LHFPL2: variants seen among roughly 807,000 people sequenced by gnomAD.
LHFPL2 encodes LHFPL tetraspan subfamily member 2.
A neutral mutation model predicts 17.5 loss-of-function variants in LHFPL2; 7 were observed. That is an observed-to-expected ratio of 0.40 (90% CI 0.23 to 0.75). The LOEUF is 0.75. Ranked by LOEUF, LHFPL2 falls within the 30% of genes least tolerant of loss-of-function variation. The pLI is 0.37. For missense variants in LHFPL2, 241 were observed against 294.8 expected, an observed-to-expected ratio of 0.82 and a Z score of 1.34; for synonymous variants, 134 against 116.2, an observed-to-expected ratio of 1.15 and a Z score of -0.99.
Position 78,609,450 on chromosome 5 carries a change from CAAAAAA to C in LHFPL2, c.-245+22808_-245+22813del, listed in dbSNP as rs71613975. Among the ~76,000 whole-genome samples, 49 of 40,678 alleles carry C rather than the reference CAAAAAA, an allele frequency of 1.2e-3. No individual in the cohort carries two copies. In the East Asian group the frequency reaches 0.047, roughly 39 times the overall value. The allele number at this position is 40,678 out of a possible 152,430, so 26.7% of individuals were successfully genotyped here. A position where few individuals can be genotyped will look rare whatever the true frequency, so the allele number is the denominator to read the frequency against. On this transcript the variant is annotated intron_variant, in intron 2 of 4. Coordinates refer to ENST00000380345, the MANE Select transcript of LHFPL2 (RefSeq NM_005779.3). ...TGGGAAACAGAGCGAGACTCAGTCTCAAAAAAAAAAAAAAAAAAAAAAAAAAGAGAG... is the reference window on the plus strand; with the variant it reads ...TGGGAAACAGAGCGAGACTCAGTCTCAAAAAAAAAAAAAAAAAAAAGAGAG...
chr5:78,619,002 C>A (rs190588816), intron 2 of LHFPL2, among the ~76,000 whole-genome samples: 1 of 152,244 alleles, frequency 6.6e-6, no homozygotes, highest in African/African-American at 2.4e-5. Context: ...ACTGACAAGG[C>A]CAAGATTTGT....
intron 3 of LHFPL2, among the ~76,000 whole-genome samples, chr5:78,551,639 T>C (rs1756445906): frequency 6.6e-6 from 1 of 152,200 alleles, no homozygotes; most frequent in African/African-American, 2.4e-5. Flanking sequence ...CATGAAGTTA[T>C]TCTCTTTCTC....
At chr5:78,511,345 TTC>T (rs1224976838) in intron 3 of LHFPL2, among the ~76,000 whole-genome samples, 1 of 152,202 alleles carries the variant, frequency 6.6e-6, no homozygotes, top group Non-Finnish European at 1.5e-5. Context: ...AGAGGCCTCA[TTC>T]TGTCTCCACG....
chr5:78,648,327 G>A lies in LHFPL2; in HGVS notation c.-350+172C>T, dbSNP rs1011931240. Among the ~76,000 whole-genome samples, 3 of 151,998 alleles carry A rather than the reference G, an allele frequency of 2.0e-5. No homozygotes were observed. The highest frequency in any genetic ancestry group is 7.2e-5 in the African/African-American group (3 of 41,416). On this transcript the variant is annotated intron_variant, in intron 1 of 4. Transcript: ENST00000380345. The surrounding 1 kb of genome is among the most constrained non-coding windows in gnomAD (Gnocchi z 5.4). ...CATCCCGCAGCACCTCCGACCGCTC[G>A]GCGCGGTCTCCCAGGGCGCCGAAGC...
chr5:78,585,664 A>T (rs1743360401), intron 2 of LHFPL2, among the ~76,000 whole-genome samples: 1 of 152,048 alleles, frequency 6.6e-6, no homozygotes, highest in African/African-American at 2.4e-5. Flanking sequence ...GAGAGCACTA[A>T]AACAACCTCC....
intron 2 of LHFPL2, chr5:78,625,941 C>A (rs1230921978): frequency 6.6e-6 from 1 of 152,262 alleles, no homozygotes; most frequent in African/African-American, 2.4e-5. Context: ...GGGACTGAAG[C>A]ATTCTGGAAT....
At chr5:78,607,656 A>G (rs1474581180) in intron 2 of LHFPL2, among the ~76,000 whole-genome samples, 7 of 152,112 alleles carry the variant, frequency 4.6e-5, no homozygotes, top group Admixed American at 2.0e-4. Flanking sequence ...ACTGACCCCA[A>G]TCTTTCCAAT....
chr5:78,605,469 C>T (rs112800718), intron 2 of LHFPL2, among the ~76,000 whole-genome samples: 3,344 of 152,272 alleles, frequency 0.022, 69 homozygotes, highest in Non-Finnish European at 0.034. Context: ...TCACCCCTTC[C>T]AGCCTCTTTC....
chr5:78,522,665 G>T (rs1012989621), intron 3 of LHFPL2, among the ~76,000 whole-genome samples: 1 of 152,128 alleles, frequency 6.6e-6, no homozygotes, highest in African/African-American at 2.4e-5. Context: ...CTGGACAATG[G>T]GGGTGGAGAG....
At chr5:78,631,526 C>T (rs933632311) in intron 2 of LHFPL2, among the ~76,000 whole-genome samples, 3 of 152,216 alleles carry the variant, frequency 2.0e-5, no homozygotes, top group Admixed American at 6.5e-5. Context: ...GTACGTAAAG[C>T]TCACCATGAC....
chr5:78,640,369 T>A (rs560648497), intron 1 of LHFPL2, among the ~76,000 whole-genome samples: 97 of 152,332 alleles, frequency 6.4e-4, no homozygotes, highest in African/African-American at 2.3e-3. Context: ...TCCCTATCAT[T>A]CAGAGGAAGC....
intron 4 of LHFPL2, among the ~76,000 whole-genome samples, chr5:78,508,489 T>A (rs1755003211): frequency 6.6e-6 from 1 of 152,090 alleles, no homozygotes. Context: ...GGCCCATTAC[T>A]CCCCATCCCC....
intron 2 of LHFPL2, among the ~76,000 whole-genome samples, chr5:78,587,649 T>C (rs1361795920): frequency 6.6e-6 from 1 of 152,282 alleles, no homozygotes; most frequent in East Asian, 1.9e-4. Context: ...CATCTGTAAC[T>C]GGATCCCCAG....
At chr5:78,644,506 GCT>G (rs1745793638) in intron 1 of LHFPL2, 1 of 601,322 alleles carries the variant, frequency 1.7e-6, no homozygotes, top group Non-Finnish European at 3.0e-6. Context: ...GGGATGTTCT[GCT>G]TTGATTTTTG....
Position 78,566,135 on chromosome 5 carries a change from A to T in LHFPL2, c.-244-1264T>A, listed in dbSNP as rs190430314. Among the ~76,000 whole-genome samples the T allele has an allele frequency of 3.3e-3, 508 of 152,336 alleles. 4 individuals are homozygous for T. Among genetic ancestry groups the T allele is most frequent in the African/African-American group, 0.011 (472 of 41,580 alleles). On this transcript the variant is annotated intron_variant, in intron 2 of 4. Coordinates refer to ENST00000380345, the MANE Select transcript of LHFPL2 (RefSeq NM_005779.3). The stretch of plus-strand genomic sequence containing the variant: ...AACAGCCTCAATTCCACTGATAAGC[A>T]AGAAAACAAGAAGTCCACATGCTTA...
chr5:78,620,238 G>A (rs1459157274), intron 2 of LHFPL2, among the ~76,000 whole-genome samples: 1 of 149,982 alleles, frequency 6.7e-6, no homozygotes, highest in Non-Finnish European at 1.5e-5. Flanking sequence ...GTTTTGATTT[G>A]CATTTCTCTG....
At chr5:78,493,289 C>T (rs1041824324) in intron 4 of LHFPL2, among the ~76,000 whole-genome samples, 2 of 152,192 alleles carry the variant, frequency 1.3e-5, no homozygotes, top group Non-Finnish European at 2.9e-5. Flanking sequence ...TTCTCCACTG[C>T]TCTCAGGCTG....
intron 2 of LHFPL2, among the ~76,000 whole-genome samples, chr5:78,565,568 A>G (rs1756838017): frequency 6.6e-6 from 1 of 152,272 alleles, no homozygotes; most frequent in South Asian, 2.1e-4. Context: ...GCTTTGAAAT[A>G]TTAAACATAA....
chr5:78,557,012 G>A (rs1756589476), intron 3 of LHFPL2, among the ~76,000 whole-genome samples: 1 of 152,024 alleles, frequency 6.6e-6, no homozygotes, highest in Middle Eastern at 3.4e-3. Flanking sequence ...ACAACATGCA[G>A]GTTTGTTACA....
Sources: gnomAD v4.1 joint callset for allele counts (sites outside exome capture counted in the v4.1 genomes callset) on GRCh38, gnomAD v4.1.1 for gene constraint, Gnocchi (gnomAD v3.1) non-coding constraint, MANE v1.5 for transcripts, NCBI Gene and HGNC (gene_info 2026-07-23, HGNC 2026-07-21) for gene names.